NAE1: variants seen among roughly 807,000 people sequenced by gnomAD.
NAE1 encodes NEDD8 activating enzyme E1 subunit 1.
In NAE1, 59 loss-of-function variants were observed where a neutral mutation model predicts 88.0. The ratio of observed to expected loss-of-function variants is 0.67; its 90% confidence interval spans 0.54 to 0.83. The LOEUF (loss-of-function observed/expected upper bound fraction) is 0.83, where lower values mean the gene tolerates loss of function less well. Among genes scored for constraint, NAE1 ranks in the 40% least tolerant of loss-of-function variants. The pLI, the probability that NAE1 is intolerant of heterozygous loss-of-function variation, is 0.00. For synonymous variants in NAE1, 186 were observed against 208.9 expected, an observed-to-expected ratio of 0.89 and a Z score of 0.95; for missense variants, 554 against 632.8, an observed-to-expected ratio of 0.88 and a Z score of 1.34.
At chr16:66,805,561 CCAG>C in intron 19 of NAE1, 1 of 396,602 alleles carries the variant, frequency 2.5e-6, no homozygotes, top group Non-Finnish European at 4.4e-6. Flanking sequence ...TCACTTGAGC[CCAG>C]GAGTTTGAGG....
chr16:66,818,254 C>T (rs539132210), intron 8 of NAE1, among the ~76,000 whole-genome samples: 1 of 152,238 alleles, frequency 6.6e-6, no homozygotes, highest in East Asian at 1.9e-4. Context: ...CCATCCCCAT[C>T]TCCCCACCTG....
At chr16:66,804,217 T>C (rs1164524818) in intron 19 of NAE1, among the ~76,000 whole-genome samples, 1 of 150,132 alleles carries the variant, frequency 6.7e-6, no homozygotes, top group Non-Finnish European at 1.5e-5. Context: ...TGCAAAATGA[T>C]TACAGAATGC....
chr16:66,823,467 G>T, intron 5 of NAE1, 62 bp downstream of exon 5: 1 of 1,469,638 alleles, frequency 6.8e-7, no homozygotes, highest in Non-Finnish European at 9.3e-7. Flanking sequence ...AATTTCTGGG[G>T]CTTTGAATTA....
intron 19 of NAE1, among the ~76,000 whole-genome samples, chr16:66,803,868 C>T (rs1321577730): frequency 1.3e-5 from 2 of 152,062 alleles, no homozygotes; most frequent in African/African-American, 2.4e-5. Flanking sequence ...GGAGGCCTTA[C>T]AAGCATTAGC....
intron 9 of NAE1, 113 bp from the exon 10 acceptor site, chr16:66,817,141 T>C (rs1872510555): frequency 1.5e-6 from 2 of 1,360,118 alleles, no homozygotes. Flanking sequence ...AATATATTTC[T>C]CTGTGAAATC....
intron 2 of NAE1, 27 bp downstream of exon 2, chr16:66,826,650 T>C (rs1277228807): frequency 1.2e-6 from 2 of 1,613,832 alleles, no homozygotes; most frequent in African/African-American, 2.7e-5. Flanking sequence ...GAAGTATATT[T>C]AGAACACAAC....
intron 7 of NAE1, among the ~76,000 whole-genome samples, chr16:66,821,208 G>A (rs1328474395): frequency 6.6e-6 from 1 of 152,200 alleles, no homozygotes; most frequent in Admixed American, 6.5e-5. Flanking sequence ...TTGCATAGTT[G>A]CTGGATCTCC....
chr16:66,816,776 A>T (rs1960059191), intron 10 of NAE1, 104 bp from the exon 11 acceptor site: 1 of 1,269,246 alleles, frequency 7.9e-7, no homozygotes, highest in Admixed American at 2.6e-5. Flanking sequence ...ATTAAATCTT[A>T]AGAAGAAATA....
chr16:66,817,169 A>C, intron 9 of NAE1, 141 bp from the exon 10 acceptor site: 2 of 1,183,880 alleles, frequency 1.7e-6, no homozygotes, highest in Admixed American at 3.1e-5. Flanking sequence ...CACTTGATAG[A>C]AAACAGACAC....
intron 1 of NAE1, 87 bp downstream of exon 1, chr16:66,830,760 C>CCCGACCGCG (rs1213558259): frequency 2.3e-6 from 3 of 1,320,534 alleles, no homozygotes; most frequent in Non-Finnish European, 1.0e-6. Flanking sequence ...CTGAGGAAGG[C>CCCGACCGCG]CCGACCGCGC....
chr16:66,810,670 A>G (rs767177659), intron 14 of NAE1, 27 bp downstream of exon 14: 45 of 1,588,392 alleles, frequency 2.8e-5, no homozygotes, highest in Non-Finnish European at 3.8e-5. Context: ...TGAGGCCTGT[A>G]TGGGCACAGT....
Position 66,830,915 on chromosome 16 carries a change from G to A in NAE1, c.-16C>T. ...GCTGCGCCATGGCCGCGCCTGCCGC[G>A]CGGAAAACAGCCGAGCCCCTGCGGA... On this transcript the variant is annotated 5_prime_UTR_variant, in exon 1 of 20. Coordinates refer to ENST00000290810, the MANE Select transcript of NAE1 (RefSeq NM_003905.4). 1.3e-6 allele frequency: 2 copies of A among 1,529,328 alleles called. No homozygotes were observed. The highest frequency in any genetic ancestry group is 8.7e-7 in the Non-Finnish European group (1 of 1,146,984). 94.7% of individuals were successfully genotyped at this position (1,529,328 alleles called of 1,614,324 possible).
intron 3 of NAE1, among the ~76,000 whole-genome samples, chr16:66,825,324 GT>G (rs1187647135): frequency 1.3e-5 from 2 of 151,974 alleles, no homozygotes; most frequent in African/African-American, 4.8e-5. Flanking sequence ...GCGGGCGCCT[GT>G]AGTCCCAGCT....
intron 3 of NAE1, 137 bp downstream of exon 3, chr16:66,826,386 A>T (rs1032487614): frequency 7.9e-6 from 6 of 757,066 alleles, no homozygotes; most frequent in Admixed American, 7.8e-5. Flanking sequence ...TACCTATATT[A>T]TCTCACTTCC....
chr16:66,830,946 G>C lies in NAE1; in HGVS notation c.-47C>G, dbSNP rs376801449. ...AACAGCCGAGCCCCTGCGGAGCGCC[G>C]CCACCAGCTCCACAAGCGCGCAGGC... On this transcript the variant is annotated 5_prime_UTR_variant, in exon 1 of 20. Coordinates refer to ENST00000290810, the MANE Select transcript of NAE1 (RefSeq NM_003905.4). 7 of 1,478,870 alleles carry C rather than the reference G, an allele frequency of 4.7e-6. No homozygotes were observed. The Admixed American group carries it at 9.3e-5, about 20-fold the overall frequency. 91.6% of individuals were successfully genotyped at this position (1,478,870 alleles called of 1,614,324 possible).
At chr16:66,813,729 G>A in intron 12 of NAE1, 32 bp from the exon 13 acceptor site, 1 of 1,610,256 alleles carries the variant, frequency 6.2e-7, no homozygotes, top group South Asian at 1.1e-5. Context: ...AACATTAAGT[G>A]GCGTTTTACT....
chr16:66,827,827 C>T (rs147187357), intron 1 of NAE1: 90 of 636,020 alleles, frequency 1.4e-4, no homozygotes, highest in African/African-American at 1.3e-3. Flanking sequence ...GTATGTCCTC[C>T]AGAGCATGTC....
intron 11 of NAE1, 126 bp downstream of exon 11, chr16:66,816,455 C>T (rs1960049440): frequency 1.3e-6 from 1 of 757,218 alleles, no homozygotes; most frequent in Non-Finnish European, 2.1e-6. Flanking sequence ...CATGCCCGGC[C>T]CTGTATTTAT....
chr16:66,808,144 A>C (rs916158165), intron 17 of NAE1, among the ~76,000 whole-genome samples: 2 of 152,132 alleles, frequency 1.3e-5, no homozygotes, highest in Non-Finnish European at 2.9e-5. Context: ...TGCCTGAATC[A>C]GTCTCCCAAA....
Sources: gnomAD v4.1 joint callset for allele counts (sites outside exome capture counted in the v4.1 genomes callset) on GRCh38, gnomAD v4.1.1 for gene constraint, MANE v1.5 for transcripts, NCBI Gene and HGNC (gene_info 2026-07-23, HGNC 2026-07-21) for gene names.